The following NFIL3 variants were observed in gnomAD, a reference collection of about 807,000 sequenced individuals.
NFIL3 encodes the protein nuclear factor, interleukin 3 regulated, also known as nuclear factor interleukin-3-regulated protein.
A neutral mutation model predicts 10.0 loss-of-function variants in NFIL3; 5 were observed. The ratio of observed to expected loss-of-function variants is 0.50; its 90% CI spans 0.26 to 1.06. The LOEUF (loss-of-function observed/expected upper bound fraction) is 1.06, where lower values mean the gene tolerates loss of function less well. Ranked by LOEUF, NFIL3 falls within the 50% of genes least tolerant of loss-of-function variation. The probability of loss-of-function intolerance (pLI) is 0.13; values close to 1 mark genes in which losing one functional copy is unlikely to be tolerated. For missense variants in NFIL3, 436 were observed against 547.6 expected (o/e 0.80, Z 2.03); for synonymous variants, 202 against 206.5 (o/e 0.98, Z 0.19).
the NFIL3 span, among the ~76,000 whole-genome samples, chr9:91,457,621 T>C: frequency 6.6e-6 from 1 of 152,076 alleles, no homozygotes; most frequent in Non-Finnish European, 1.5e-5. Flanking sequence ...GATAGCTTTC[T>C]GTTTGCAAAT....
chr9:91,480,876 G>A, the NFIL3 span, among the ~76,000 whole-genome samples: 1,009 of 152,318 alleles, frequency 6.6e-3, 10 homozygotes, highest in African/African-American at 0.022. Flanking sequence ...TAGAGGATCT[G>A]ATAGGACTCA....
the NFIL3 span, among the ~76,000 whole-genome samples, chr9:91,475,562 G>T: frequency 1.3e-5 from 2 of 151,926 alleles, no homozygotes; most frequent in Non-Finnish European, 2.9e-5. Flanking sequence ...CACAAAGAAA[G>T]ACTACAAAAT....
chr9:91,465,890 TAG>T, the NFIL3 span, among the ~76,000 whole-genome samples: 3 of 152,116 alleles, frequency 2.0e-5, no homozygotes, highest in Non-Finnish European at 4.4e-5. Flanking sequence ...TACTTTTCTT[TAG>T]AGAGAGTCTG....
chr9:91,480,966 A>G, the NFIL3 span, among the ~76,000 whole-genome samples: 1 of 152,214 alleles, frequency 6.6e-6, no homozygotes, highest in African/African-American at 2.4e-5. Context: ...GCAGAGGGTG[A>G]CCTTAAAAGA....
chr9:91,413,010 G>GT (rs1473818112), intron 1 of NFIL3, among the ~76,000 whole-genome samples: 1 of 152,180 alleles, frequency 6.6e-6, no homozygotes, highest in Non-Finnish European at 1.5e-5. Context: ...AAGGAATTAT[G>GT]TAATAATTTC....
At chr9:91,449,127 G>C in the NFIL3 span, among the ~76,000 whole-genome samples, 1 of 151,936 alleles carries the variant, frequency 6.6e-6, no homozygotes, top group African/African-American at 2.4e-5. Context: ...TGTATTCTTT[G>C]GAATTTTCTA....
At chr9:91,438,114 A>G in the NFIL3 span, among the ~76,000 whole-genome samples, 1 of 152,168 alleles carries the variant, frequency 6.6e-6, no homozygotes, top group Non-Finnish European at 1.5e-5. Context: ...GCACCAAACT[A>G]CATTTCCACC....
chr9:91,436,406 G>C, the NFIL3 span, among the ~76,000 whole-genome samples: 6 of 151,958 alleles, frequency 3.9e-5, no homozygotes, highest in Non-Finnish European at 8.8e-5. Flanking sequence ...GTGAAACCTC[G>C]TCTCTACTAA....
chr9:91,435,777 A>C, the NFIL3 span, among the ~76,000 whole-genome samples: 2 of 152,182 alleles, frequency 1.3e-5, no homozygotes, highest in Non-Finnish European at 2.9e-5. Flanking sequence ...TACAGCTTAT[A>C]ATCTAATTAA....
the NFIL3 span, among the ~76,000 whole-genome samples, chr9:91,471,231 T>G: frequency 2.0e-5 from 3 of 152,210 alleles, no homozygotes. Flanking sequence ...ATATTTAGGA[T>G]AGTTAGCTCT....
At chr9:91,437,286 C>T in the NFIL3 span, among the ~76,000 whole-genome samples, 1 of 152,208 alleles carries the variant, frequency 6.6e-6, no homozygotes, top group Non-Finnish European at 1.5e-5. Flanking sequence ...ATGTAAAGTG[C>T]ACGATTCAAT....
the NFIL3 span, among the ~76,000 whole-genome samples, chr9:91,470,929 T>C: frequency 6.6e-6 from 1 of 152,184 alleles, no homozygotes; most frequent in Non-Finnish European, 1.5e-5. Flanking sequence ...TGAGGAGTGC[T>C]TTACTTCCAA....
intron 1 of NFIL3, among the ~76,000 whole-genome samples, chr9:91,415,688 C>G (rs371186931): frequency 2.6e-5 from 4 of 151,110 alleles, no homozygotes; most frequent in Non-Finnish European, 5.9e-5. Context: ...AGTGCAATGG[C>G]GCGATCTTGG....
the NFIL3 span, among the ~76,000 whole-genome samples, chr9:91,455,286 G>A: frequency 6.6e-6 from 1 of 152,150 alleles, no homozygotes; most frequent in Non-Finnish European, 1.5e-5. Context: ...TCTATGGCAA[G>A]TTTTGCTGTG....
At chr9:91,460,268 G>GTTTTTTTTTTTTTTTTT in the NFIL3 span, among the ~76,000 whole-genome samples, 49 of 77,076 alleles carry the variant, frequency 6.4e-4, no homozygotes, top group Non-Finnish European at 8.6e-4. Context: ...GGAGGGCTTG[G>GTTTTTTTTTTTTTTTTT]TTCTTTTTTT....
the NFIL3 span, among the ~76,000 whole-genome samples, chr9:91,452,599 AC>A: frequency 6.6e-6 from 1 of 151,974 alleles, no homozygotes; most frequent in Non-Finnish European, 1.5e-5. Flanking sequence ...ACATGGTGAA[AC>A]CCCGTTTTTA....
Position 91,409,700 on chromosome 9 carries a change from A to G in NFIL3, c.1035T>C (p.Phe345=). Residue 345 remains phenylalanine, a synonymous_variant, in exon 2 of 2, where the codon TTT becomes TTC. Transcript: ENST00000297689. ...GTGAGGAAAGTTTTTGCGTGGCCTC[A>G]AATTCATTATCAAAGGCTTCTACTT... The part of the protein sequence containing the change: ...QIKVEAFDNE[F]EATQKLSSPI... 6.2e-7 allele frequency: 1 copy of G among 1,614,184 alleles called. No homozygotes were observed. Among genetic ancestry groups the G allele is most frequent in the East Asian group, 2.2e-5 (1 of 44,886 alleles).
At chr9:91,441,821 T>A in the NFIL3 span, among the ~76,000 whole-genome samples, 1 of 152,236 alleles carries the variant, frequency 6.6e-6, no homozygotes, top group African/African-American at 2.4e-5. Flanking sequence ...ATTTCACAAC[T>A]TACATATTTT....
At chr9:91,430,445 C>T in the NFIL3 span, among the ~76,000 whole-genome samples, 2 of 152,050 alleles carry the variant, frequency 1.3e-5, no homozygotes, top group Non-Finnish European at 2.9e-5. Flanking sequence ...GAAACTAAGC[C>T]AGGCCCTTAG....
Sources: allele counts gnomAD v4.1 joint callset (sites outside exome capture counted in the v4.1 genomes callset), GRCh38; gene constraint gnomAD v4.1.1; transcripts MANE v1.5; gene names NCBI Gene and HGNC (gene_info 2026-07-23, HGNC 2026-07-21).